Variants in CDYL2 observed in about 807,000 individuals in gnomAD.
CDYL2 encodes chromodomain Y like 2, also known as chromodomain Y-like protein 2.
Under a neutral mutation model 49.4 loss-of-function variants are expected in CDYL2, and 23 were observed. That is an observed-to-expected ratio of 0.47 (90% CI 0.34 to 0.66). The LOEUF (loss-of-function observed/expected upper bound fraction) is 0.66, where lower values mean the gene tolerates loss of function less well. Ranked by LOEUF, CDYL2 falls within the 30% of genes least tolerant of loss-of-function variation. CDYL2 has a pLI of 0.01. For missense variants in CDYL2, 678 were observed against 656.4 expected (o/e 1.03, Z -0.36); for synonymous variants, 360 against 268.8 (o/e 1.34, Z -3.32).
chr16:80,711,197 T>C (rs1449670237), intron 1 of CDYL2, among the ~76,000 whole-genome samples: 1 of 152,202 alleles, frequency 6.6e-6, no homozygotes, highest in Non-Finnish European at 1.5e-5. Context: ...CAAGCGGCGC[T>C]GTTACCAGGA....
intron 1 of CDYL2, among the ~76,000 whole-genome samples, chr16:80,791,940 C>G (rs1907623278): frequency 6.6e-6 from 1 of 152,142 alleles, no homozygotes; most frequent in Non-Finnish European, 1.5e-5. Flanking sequence ...AAGACCCAAG[C>G]AATGGCAGTT....
chr16:80,726,507 C>T (rs1436115382), intron 1 of CDYL2, among the ~76,000 whole-genome samples: 1 of 152,258 alleles, frequency 6.6e-6, no homozygotes, highest in Non-Finnish European at 1.5e-5. Context: ...ATCCCAAGTA[C>T]AAAGCTTGAC....
At chr16:80,799,399 CA>C (rs1380403908) in intron 1 of CDYL2, among the ~76,000 whole-genome samples, 1 of 152,144 alleles carries the variant, frequency 6.6e-6, no homozygotes, top group African/African-American at 2.4e-5. Flanking sequence ...CTATATCTCC[CA>C]CTGGGCTCCT....
chr16:80,686,418 T>C (rs1178453123), intron 1 of CDYL2, among the ~76,000 whole-genome samples: 1 of 152,234 alleles, frequency 6.6e-6, no homozygotes, highest in Non-Finnish European at 1.5e-5. Flanking sequence ...ATTCAAAAGT[T>C]TATTCTACTT....
At chr16:80,634,327 T>A (rs1306510707) in intron 2 of CDYL2, among the ~76,000 whole-genome samples, 1 of 152,152 alleles carries the variant, frequency 6.6e-6, no homozygotes, top group East Asian at 1.9e-4. Flanking sequence ...TAAAAAAGGA[T>A]GAGTTCATGT....
At chr16:80,698,809 G>C (rs766384174) in intron 1 of CDYL2, among the ~76,000 whole-genome samples, 9 of 152,040 alleles carry the variant, frequency 5.9e-5, no homozygotes, top group Non-Finnish European at 2.9e-5. Flanking sequence ...GCTTCCTGTA[G>C]AGCCTGCAGA....
chr16:80,653,601 C>T (rs984223353), intron 2 of CDYL2, among the ~76,000 whole-genome samples: 2 of 152,050 alleles, frequency 1.3e-5, no homozygotes. Context: ...TTTAAGGGTA[C>T]ATGAGACGTC....
At chr16:80,623,596 G>C (rs1447879821) in intron 3 of CDYL2, among the ~76,000 whole-genome samples, 1 of 152,184 alleles carries the variant, frequency 6.6e-6, no homozygotes, top group Non-Finnish European at 1.5e-5. Flanking sequence ...ATGTTCATGG[G>C]ACCTGCAGGA....
At chr16:80,739,727 G>A (rs893925064) in intron 1 of CDYL2, among the ~76,000 whole-genome samples, 17 of 152,162 alleles carry the variant, frequency 1.1e-4, no homozygotes, top group African/African-American at 3.4e-4. Context: ...GGAGGTGGGA[G>A]CCAGAATGAG....
chr16:80,662,641 G>A, intron 2 of CDYL2: 1 of 432,856 alleles, frequency 2.3e-6, no homozygotes, highest in Non-Finnish European at 4.6e-6. Context: ...CTGCAATGAT[G>A]AAAATGTTCA....
At chr16:80,608,505 G>T (rs906945745) in intron 5 of CDYL2, among the ~76,000 whole-genome samples, 8 of 152,146 alleles carry the variant, frequency 5.3e-5, no homozygotes, top group Non-Finnish European at 2.9e-5. Flanking sequence ...CCCATTTCTG[G>T]TGGCAGACCC....
intron 1 of CDYL2, among the ~76,000 whole-genome samples, chr16:80,755,674 G>A (rs1906287245): frequency 6.6e-6 from 1 of 152,294 alleles, no homozygotes; most frequent in Middle Eastern, 3.4e-3. Context: ...TCATCACAGA[G>A]TTACAAAGAA....
intron 1 of CDYL2, among the ~76,000 whole-genome samples, chr16:80,739,494 G>C (rs536958172): frequency 6.6e-6 from 1 of 152,332 alleles, no homozygotes; most frequent in South Asian, 2.1e-4. Flanking sequence ...GTGGGAAGGA[G>C]GGAGAAATTT....
intron 1 of CDYL2, among the ~76,000 whole-genome samples, chr16:80,698,725 T>C (rs1904286809): frequency 6.6e-6 from 1 of 152,114 alleles, no homozygotes; most frequent in Non-Finnish European, 1.5e-5. Flanking sequence ...CCATATAAGA[T>C]GTGTCTTCTT....
rs574330200 is a variant in CDYL2, at chr16:80,666,543, G to A, written c.616+17995C>T. On this transcript the variant is annotated intron_variant, in intron 2 of 6. Coordinates refer to ENST00000570137, the MANE Select transcript of CDYL2 (RefSeq NM_152342.4). ...TGTGGCTTCGTGAATATAAAGGGAA[G>A]AGGAACACAGCAAGCAGGGCCATCG... 4.3e-4 allele frequency among the ~76,000 whole-genome samples: 65 copies of A among 152,302 alleles called. 2 individuals are homozygous for A. In the Middle Eastern group the frequency reaches 0.024, roughly 56 times the overall value.
At chr16:80,656,393 G>T (rs778592344) in intron 2 of CDYL2, among the ~76,000 whole-genome samples, 1 of 152,236 alleles carries the variant, frequency 6.6e-6, no homozygotes, top group Non-Finnish European at 1.5e-5. Context: ...CGTCCAGTCG[G>T]GGGCACTGCC....
intron 1 of CDYL2, among the ~76,000 whole-genome samples, chr16:80,762,763 ACT>A (rs905567359): frequency 3.3e-5 from 5 of 151,986 alleles, no homozygotes; most frequent in African/African-American, 4.8e-5. Context: ...AAGCAAGGTG[ACT>A]CTCTGCCTTC....
intron 1 of CDYL2, among the ~76,000 whole-genome samples, chr16:80,759,154 T>C (rs1349972383): frequency 2.9e-5 from 4 of 138,336 alleles, no homozygotes; most frequent in Admixed American, 2.9e-4. Flanking sequence ...TATATAAATA[T>C]ATGGTTTATA....
rs766737973 is a variant in CDYL2, at chr16:80,684,832, G to C, written c.322C>G (p.Arg108Gly). 3.1e-6 allele frequency: 5 copies of C among 1,614,136 alleles called. No individual in the cohort carries two copies. The highest frequency in any genetic ancestry group is 1.7e-5 in the Admixed American group (1 of 60,030). The stretch of plus-strand genomic sequence containing the variant: ...GGCTTGGCCAGGGGAGGGTTAATTC[G>C]CTTCCGTTTATGGGAGGTCCCCTTG... ...KSKGTSHKRKRINPPLAKPKK... is the reference protein window; with the variant it reads ...KSKGTSHKRKGINPPLAKPKK... The change falls in exon 2 of 7, where the codon CGA (arginine) becomes GGA (glycine). Residue 108 changes from arginine to glycine, a missense_variant. Arg to Gly is a moderately radical substitution (Grantham distance 125). Around this residue, in one of 3 missense-constraint regions of CDYL2, gnomAD observed 478 missense variants for 427.0 expected, o/e 1.12. Coordinates refer to ENST00000570137, the MANE Select transcript of CDYL2 (RefSeq NM_152342.4).
Sources: allele counts gnomAD v4.1 joint callset (sites outside exome capture counted in the v4.1 genomes callset), GRCh38; gene constraint gnomAD v4.1.1; regional missense constraint gnomAD v4.1.1; transcripts MANE v1.5; gene names NCBI Gene and HGNC (gene_info 2026-07-23, HGNC 2026-07-21).